Variants in PAX7 observed in about 807,000 individuals in gnomAD.
PAX7 encodes paired box protein Pax-7.
PAX7 carries 18 observed loss-of-function variants against 50.7 expected under a neutral mutation model. The ratio of observed to expected loss-of-function variants is 0.36; its 90% confidence interval spans 0.25 to 0.53. PAX7 has a LOEUF of 0.53. Ranked by LOEUF, PAX7 falls within the 20% of genes least tolerant of loss-of-function variation. PAX7 has a pLI of 0.93. For missense variants in PAX7, 644 were observed against 702.9 expected (o/e 0.92, Z 0.95); for synonymous variants, 310 against 290.4 (o/e 1.07, Z -0.69).
intron 4 of PAX7, among the ~76,000 whole-genome samples, chr1:18,678,834 G>GCCA (rs1423885978): frequency 1.3e-5 from 2 of 152,170 alleles, no homozygotes; most frequent in African/African-American, 4.8e-5. Flanking sequence ...AAGTGGCTCT[G>GCCA]CAGGGTGGGC....
chr1:18,635,424 A>G (rs1000051670), intron 3 of PAX7, among the ~76,000 whole-genome samples, 184 bp downstream of exon 3: 1 of 151,944 alleles, frequency 6.6e-6, no homozygotes, highest in Non-Finnish European at 1.5e-5. Context: ...ACAGAATGGA[A>G]TAAGATGGAA....
In PAX7 at chr1:18,740,821, AAG is replaced by A. The variant is rs527357974; in HGVS notation, c.1403-3991_1403-3990del. On this transcript the variant is annotated intron_variant, in intron 8 of 8. Coordinates refer to ENST00000420770, the MANE Select transcript of PAX7 (RefSeq NM_001135254.2). Reference sequence around the variant, plus strand: ...AGTGGAATACTATTCAGCCATAAAAAAGAATAAAATCCTGTCATCTGCAGCAA... The same window carrying A: ...AGTGGAATACTATTCAGCCATAAAAAAATAAAATCCTGTCATCTGCAGCAA... Among the ~76,000 whole-genome samples the A allele has an allele frequency of 1.1e-4, 17 of 152,340 alleles. No homozygotes were observed. In the South Asian group the frequency reaches 3.3e-3, roughly 30 times the overall value.
At chr1:18,694,771 C>T (rs921421950) in intron 5 of PAX7, among the ~76,000 whole-genome samples, 1 of 152,272 alleles carries the variant, frequency 6.6e-6, no homozygotes, top group African/African-American at 2.4e-5. Context: ...TGGAACTCAA[C>T]AATTACTAAG....
intron 4 of PAX7, among the ~76,000 whole-genome samples, chr1:18,658,724 C>T (rs544425742): frequency 1.3e-5 from 2 of 152,326 alleles, no homozygotes; most frequent in East Asian, 1.9e-4. Context: ...ATGTGTTCTG[C>T]AAGGAAGGTT....
intron 4 of PAX7, among the ~76,000 whole-genome samples, chr1:18,649,100 T>C (rs986330825): frequency 3.3e-5 from 5 of 152,036 alleles, no homozygotes; most frequent in African/African-American, 1.2e-4. Context: ...AAACAGGCCT[T>C]AGAGGTCATC....
chr1:18,690,529 C>T (rs959637193), intron 4 of PAX7, among the ~76,000 whole-genome samples: 1 of 152,180 alleles, frequency 6.6e-6, no homozygotes, highest in Non-Finnish European at 1.5e-5. Context: ...GTCTCAGCCC[C>T]AACAGCTAAG....
At position 18,632,155 on chromosome 1, in the gene PAX7, T is replaced by C. The variant is rs1199510821; in HGVS notation, c.85+467T>C. On this transcript the variant is annotated intron_variant, in intron 1 of 8. Transcript: ENST00000420770. This position sits in a 1 kb window ranked among gnomAD's most constrained non-coding sequence, Gnocchi z 6.3. ...ACCACCTACCATGGGTGATACTTTATATGCCTCAACTACCACGGCTATCCA... is the reference window on the plus strand; with the variant it reads ...ACCACCTACCATGGGTGATACTTTACATGCCTCAACTACCACGGCTATCCA... 1.3e-5 allele frequency among the ~76,000 whole-genome samples: 2 copies of C among 152,314 alleles called. No individual in the cohort carries two copies. Among genetic ancestry groups the C allele is most frequent in the East Asian group, 1.9e-4 (1 of 5,184 alleles).
At chr1:18,732,976 C>CCA (rs2089665188) in intron 7 of PAX7, among the ~76,000 whole-genome samples, 3 of 152,104 alleles carry the variant, frequency 2.0e-5, no homozygotes, top group Non-Finnish European at 4.4e-5. Flanking sequence ...GATCTGGAGC[C>CCA]TGAGTGTTTT....
intron 7 of PAX7, among the ~76,000 whole-genome samples, chr1:18,715,025 A>T (rs564139754): frequency 6.6e-6 from 1 of 152,318 alleles, no homozygotes; most frequent in African/African-American, 2.4e-5. Flanking sequence ...GGCCGCTGGG[A>T]TGGTTGGGCA....
intron 7 of PAX7, among the ~76,000 whole-genome samples, chr1:18,719,902 C>T (rs2089473854): frequency 6.6e-6 from 1 of 152,210 alleles, no homozygotes; most frequent in South Asian, 2.1e-4. Flanking sequence ...ATTGGTTTGG[C>T]AGTTGGCAAA....
intron 7 of PAX7, among the ~76,000 whole-genome samples, chr1:18,706,129 C>A (rs146968732): frequency 9.8e-5 from 15 of 152,310 alleles, no homozygotes; most frequent in African/African-American, 3.6e-4. Context: ...ACTCCCACTG[C>A]CCTCCCTCCT....
At chr1:18,699,168 G>C (rs1390086030) in intron 5 of PAX7, among the ~76,000 whole-genome samples, 2 of 152,144 alleles carry the variant, frequency 1.3e-5, no homozygotes, top group Non-Finnish European at 2.9e-5. Flanking sequence ...CCAGGCATTG[G>C]GCAAGGAATG....
At position 18,686,899 on chromosome 1, in the gene PAX7, A is replaced by ATT. The variant is rs66970112; in HGVS notation, c.587-4854_587-4853dup. 7.3e-3 allele frequency among the ~76,000 whole-genome samples: 1,093 copies of ATT among 149,234 alleles called. 7 individuals are homozygous for ATT. Among genetic ancestry groups the ATT allele is most frequent in the East Asian group, 0.019 (99 of 5,112 alleles). On this transcript the variant is annotated intron_variant, in intron 4 of 8. Transcript: ENST00000420770. ...TTTATTTTATTTTATTATTATTATT[A>ATT]TTATTTTTTGAGACAGAGTCTTGCT...
chr1:18,673,936 A>G (rs553891141), intron 4 of PAX7, among the ~76,000 whole-genome samples: 1 of 152,352 alleles, frequency 6.6e-6, no homozygotes, highest in East Asian at 1.9e-4. Context: ...GGAACTGTTC[A>G]GCTGGCTAGC....
intron 4 of PAX7, among the ~76,000 whole-genome samples, chr1:18,687,392 G>A (rs2088992919): frequency 6.6e-6 from 1 of 152,138 alleles, no homozygotes; most frequent in African/African-American, 2.4e-5. Context: ...GATTAGACCG[G>A]GGCTGTCCCA....
intron 7 of PAX7, among the ~76,000 whole-genome samples, chr1:18,708,117 G>A (rs2089307019): frequency 6.6e-6 from 1 of 152,114 alleles, no homozygotes; most frequent in Admixed American, 6.5e-5. Context: ...CTGAAGAGAT[G>A]TAGGGAAAAG....
intron 4 of PAX7, among the ~76,000 whole-genome samples, chr1:18,651,878 T>G (rs4920524): frequency 0.34 from 49,187 of 143,552 alleles, 8,716 homozygotes; most frequent in Middle Eastern, 0.43. Context: ...CCTCTGCTGC[T>G]TCAAAGAGGC....
chr1:18,737,698 G>C (rs1357317709), intron 8 of PAX7, among the ~76,000 whole-genome samples: 1 of 152,240 alleles, frequency 6.6e-6, no homozygotes, highest in Non-Finnish European at 1.5e-5. Context: ...TACATGATGT[G>C]CACATCTGTG....
At chr1:18,732,943 T>C (rs1234751577) in intron 7 of PAX7, among the ~76,000 whole-genome samples, 1 of 152,072 alleles carries the variant, frequency 6.6e-6, no homozygotes, top group Non-Finnish European at 1.5e-5. Flanking sequence ...CCAGCCCCCG[T>C]CAACTGTCCT....
Sources: allele counts gnomAD v4.1 joint callset (sites outside exome capture counted in the v4.1 genomes callset), GRCh38; gene constraint gnomAD v4.1.1; non-coding constraint Gnocchi (gnomAD v3.1); transcripts MANE v1.5; gene names NCBI Gene and HGNC (gene_info 2026-07-23, HGNC 2026-07-21).